LTBR: variants seen among roughly 807,000 people sequenced by gnomAD.
The protein encoded by LTBR is tumor necrosis factor receptor superfamily member 3.
LTBR carries 15 observed loss-of-function variants against 45.4 expected under a neutral mutation model. The observed-to-expected ratio is 0.33, with a 90% confidence interval of 0.22 to 0.51. The LOEUF (loss-of-function observed/expected upper bound fraction) is 0.51. Ranked by LOEUF, LTBR falls within the 20% of genes least tolerant of loss-of-function variation. LTBR has a pLI of 0.97. For missense variants in LTBR, 450 were observed against 565.5 expected (o/e 0.80, Z 2.07); for synonymous variants, 228 against 231.0 (o/e 0.99, Z 0.12).
At chr12:6,378,350 T>C (rs1948941637) in intron 1 of LTBR, among the ~76,000 whole-genome samples, 1 of 152,230 alleles carries the variant, frequency 6.6e-6, no homozygotes, top group Admixed American at 6.5e-5. Context: ...TACAGCAGCA[T>C]GATCATGGCT....
chr12:6,377,798 G>T, intron 1 of LTBR: 1 of 539,914 alleles, frequency 1.9e-6, no homozygotes, highest in Non-Finnish European at 3.3e-6. Flanking sequence ...GCTTAAGGCA[G>T]CATGGCAAAT....
At position 6,388,417 on chromosome 12, in the gene LTBR, C is replaced by A. The variant is rs763292638; in HGVS notation, c.687C>A (p.Ala229=). The A allele has an allele frequency of 6.2e-7, 1 of 1,613,780 alleles. No homozygotes were observed. The highest frequency in any genetic ancestry group is 1.1e-5 in the South Asian group (1 of 91,084). Residue 229 remains alanine (A), a synonymous_variant, in exon 7 of 10, where the codon GCC becomes GCA. Coordinates refer to ENST00000228918, the MANE Select transcript of LTBR (RefSeq NM_002342.3). This position sits in a 1 kb window ranked among gnomAD's most constrained non-coding sequence, Gnocchi z 4.3. ...PEMSGTMLML[A]VLLPLAFFLL... ...TGGCAGGAACCATGCTGATGCTGGCCGTTCTGCTGCCACTGGCCTTCTTTC... is the reference window on the plus strand; with the variant it reads ...TGGCAGGAACCATGCTGATGCTGGCAGTTCTGCTGCCACTGGCCTTCTTTC...
chr12:6,375,673 G>T (rs1481316741), intron 1 of LTBR: 1 of 1,466,432 alleles, frequency 6.8e-7, no homozygotes, highest in Admixed American at 2.3e-5. Context: ...CCGAGGGCAG[G>T]TGAACTGGGA....
Position 6,391,173 on chromosome 12 carries a change from C to A in LTBR, c.*236C>A, listed in dbSNP as rs914300142. The A allele has an allele frequency of 9.9e-5, 41 of 412,656 alleles. No individual in the cohort carries two copies. In the South Asian group the frequency reaches 3.1e-3, roughly 31 times the overall value. 25.6% of individuals were successfully genotyped at this position (412,656 alleles called of 1,614,324 possible). A position where few individuals can be genotyped will look rare whatever the true frequency, so the allele number is the denominator to read the frequency against. Reference sequence around the variant, plus strand: ...GGCCTCCCGGCAGACCCACCCACCCCCTGGGGCTGCTCAGCCTCAGGCACG... The same window carrying A: ...GGCCTCCCGGCAGACCCACCCACCCACTGGGGCTGCTCAGCCTCAGGCACG... On this transcript the variant is annotated 3_prime_UTR_variant, in exon 10 of 10. Transcript: ENST00000228918.
At chr12:6,381,284 A>G (rs919119994), upstream of LTBR, among the ~76,000 whole-genome samples, 29 of 152,196 alleles carry the variant, frequency 1.9e-4, 1 homozygote, top group African/African-American at 2.4e-5. Flanking sequence ...AATAGTGTGG[A>G]CTACTGGTAG....
At chr12:6,390,570 G>A in intron 9 of LTBR, 90 bp from the exon 10 acceptor site, 2 of 1,343,866 alleles carry the variant, frequency 1.5e-6, no homozygotes, top group East Asian at 2.3e-5. Context: ...GCGGGGCCAG[G>A]GGAAAGGCGA....
chr12:6,384,714 C>T (rs1565493426), intron 2 of LTBR, 30 bp downstream of exon 2: 4 of 1,599,396 alleles, frequency 2.5e-6, no homozygotes, highest in South Asian at 1.1e-5. Flanking sequence ...CGAACCTGGG[C>T]CTCGGAAGTG....
intron 1 of LTBR, among the ~76,000 whole-genome samples, chr12:6,378,070 C>T (rs1948937435): frequency 6.6e-6 from 1 of 152,174 alleles, no homozygotes; most frequent in African/African-American, 2.4e-5. Context: ...GTTTTTGTCA[C>T]AGTACAATTT....
intron 1 of LTBR, 26 bp downstream of exon 1, chr12:6,384,480 G>C: frequency 1.9e-6 from 3 of 1,573,848 alleles, no homozygotes; most frequent in Non-Finnish European, 2.6e-6. Flanking sequence ...GGTAGGAGTG[G>C]GCGAGGGTGG....
Position 6,390,780 on chromosome 12 carries a change from C to A in LTBR, c.1151C>A (p.Pro384His). Reference sequence around the variant, plus strand: ...GGAGACCTCCCAGCTACCCCCGAACCTCCATACCCCATTCCCGAAGAGGGG... The same window carrying A: ...GGAGACCTCCCAGCTACCCCCGAACATCCATACCCCATTCCCGAAGAGGGG... ...GPGDLPATPE[P>H]PYPIPEEGDP... The change falls in exon 10 of 10, where the codon CCT becomes CAT. Residue 384 changes from proline to histidine, a missense_variant. Around this residue, in one of 3 missense-constraint regions of LTBR, gnomAD observed 71 missense variants for 90.4 expected, o/e 0.79. Coordinates refer to ENST00000228918, the MANE Select transcript of LTBR (RefSeq NM_002342.3). 1 of 1,602,836 alleles carries A rather than the reference C, an allele frequency of 6.2e-7. No individual in the cohort carries two copies. The highest frequency in any genetic ancestry group is 8.5e-7 in the Non-Finnish European group (1 of 1,174,444).
At position 6,376,100 on chromosome 12, in the gene LTBR, G is replaced by A. The variant is rs563250228; in HGVS notation, c.39+506G>A. 78 of 988,544 alleles carry A rather than the reference G, an allele frequency of 7.9e-5. No individual in the cohort carries two copies. The African/African-American group carries it at 1.1e-3, about 14-fold the overall frequency. 61.2% of individuals were successfully genotyped at this position (988,544 alleles called of 1,614,324 possible). On this transcript the variant is annotated intron_variant, in intron 1 of 9. Transcript: ENST00000539925. ...TCAGCAAGTGGGCAGCCCTCCAAGGGCACCCACAGGTCAGCCTCACCCTCA... is the reference window on the plus strand; with the variant it reads ...TCAGCAAGTGGGCAGCCCTCCAAGGACACCCACAGGTCAGCCTCACCCTCA...
In LTBR at chr12:6,386,395, C is replaced by T. The variant is rs140294576; in HGVS notation, c.618C>T (p.Ser206=). ...LVEAAPGTAQ[S]DTTCKNPLEP... ...AGGCAGCTCCAGGCACTGCCCAGTC[C>T]GACACAACCTGCAAAAATCCATTAG... The change falls in exon 6 of 10, where the codon TCC becomes TCT. Residue 206 remains serine (S), a synonymous_variant. Coordinates refer to ENST00000228918, the MANE Select transcript of LTBR (RefSeq NM_002342.3). This position sits in a 1 kb window ranked among gnomAD's most constrained non-coding sequence, Gnocchi z 4.1. The T allele has an allele frequency of 3.1e-4, 496 of 1,613,698 alleles. 3 individuals carry two copies. The highest frequency in any genetic ancestry group is 1.5e-3 in the South Asian group (136 of 91,062).
intron 9 of LTBR, 67 bp downstream of exon 9, chr12:6,390,407 T>C: frequency 1.5e-6 from 2 of 1,367,272 alleles, no homozygotes; most frequent in Non-Finnish European, 2.0e-6. Context: ...GGAGAGACTG[T>C]GGGCCAGATG....
Position 6,384,370 on chromosome 12 carries a change from T to G in LTBR, c.12T>G (p.Pro4=). The G allele has an allele frequency of 6.5e-7, 1 of 1,529,154 alleles. No homozygotes were observed. The highest frequency in any genetic ancestry group is 1.2e-5 in the South Asian group (1 of 83,560). The allele number at this position is 1,529,154 out of a possible 1,614,324, so 94.7% of individuals were successfully genotyped here. The change falls in exon 1 of 10, where the codon CCT becomes CCG. Residue 4 remains proline, a synonymous_variant. Transcript: ENST00000228918. ...GCCGAGTGGCCGCCATGCTCCTGCC[T>G]TGGGCCACCTCTGCCCCCGGCCTGG... MLL[P]WATSAPGLAW...
upstream of LTBR, among the ~76,000 whole-genome samples, chr12:6,379,933 CA>C (rs60566609): frequency 0.058 from 6,685 of 115,838 alleles, 220 homozygotes; most frequent in South Asian, 0.13. Flanking sequence ...GACTCTGTCT[CA>C]AAAAAAAAAA....
At chr12:6,387,679 A>T (rs903573053) in intron 6 of LTBR, 3 of 274,594 alleles carry the variant, frequency 1.1e-5, no homozygotes, top group Non-Finnish European at 2.2e-5. Flanking sequence ...GCTGACGGAC[A>T]CTGGAGGCTC....
chr12:6,377,468 G>A (rs895975658), intron 1 of LTBR: 11 of 655,068 alleles, frequency 1.7e-5, no homozygotes, highest in East Asian at 5.6e-5. Context: ...AGACTCATGG[G>A]GGATCGGGGC....
intron 2 of LTBR, 131 bp downstream of exon 2, chr12:6,384,815 A>C: frequency 9.6e-7 from 1 of 1,039,908 alleles, no homozygotes; most frequent in Non-Finnish European, 1.4e-6. Context: ...AGCGTGGGAA[A>C]CCCTGGACAT....
upstream of LTBR, among the ~76,000 whole-genome samples, chr12:6,381,050 G>A (rs952369895): frequency 4.6e-5 from 7 of 152,102 alleles, no homozygotes; most frequent in African/African-American, 9.7e-5. Context: ...TTTGTCTTTC[G>A]TGATCCAGCT....
Sources: allele counts gnomAD v4.1 joint callset (sites outside exome capture counted in the v4.1 genomes callset), GRCh38; gene constraint gnomAD v4.1.1; regional missense constraint gnomAD v4.1.1; non-coding constraint Gnocchi (gnomAD v3.1); transcripts MANE v1.5; gene names NCBI Gene and HGNC (gene_info 2026-07-23, HGNC 2026-07-21).